The following HECA variants were observed in gnomAD, a reference collection of about 807,000 sequenced individuals.
The protein encoded by HECA is HECA ribonucleoprotein granule regulator, also known as headcase protein homolog.
A neutral mutation model predicts 37.6 loss-of-function variants in HECA; 13 were observed. That is an observed-to-expected ratio of 0.35 (90% CI 0.23 to 0.55). The LOEUF (loss-of-function observed/expected upper bound fraction) is 0.55. Among genes scored for constraint, HECA ranks in the 20% least tolerant of loss-of-function variants. HECA has a pLI of 0.90. For missense variants in HECA, 527 were observed against 701.9 expected, an observed-to-expected ratio of 0.75 and a Z score of 2.82; for synonymous variants, 307 against 291.5, an observed-to-expected ratio of 1.05 and a Z score of -0.54.
In HECA at chr6:139,176,365, T is replaced by G. The variant is rs1775052512; in HGVS notation, c.1468-576T>G. Among the ~76,000 whole-genome samples, 1 of 152,202 alleles carries G rather than the reference T, an allele frequency of 6.6e-6. No homozygotes were observed. Among genetic ancestry groups the G allele is most frequent in the Admixed American group, 6.5e-5 (1 of 15,272 alleles). On this transcript the variant is annotated intron_variant, in intron 3 of 3. Transcript: ENST00000367658. The surrounding 1 kb of genome is among the most constrained non-coding windows in gnomAD (Gnocchi z 4.5). Reference sequence around the variant, plus strand: ...TGAGTCTAAATTGAGTCTGTTTTATTTATAATTTGTGGTTATTCACTTAAG... The same window carrying G: ...TGAGTCTAAATTGAGTCTGTTTTATGTATAATTTGTGGTTATTCACTTAAG...
rs561511528 is a variant in HECA at position 139,176,266 on chromosome 6, A to G, written c.1468-675A>G. Among the ~76,000 whole-genome samples, 455 of 152,338 alleles carry G rather than the reference A, an allele frequency of 3.0e-3. 2 individuals are homozygous for G. Among genetic ancestry groups the G allele is most frequent in the Non-Finnish European group, 3.5e-3 (236 of 68,018 alleles). ...GCCTCAGTTGCATTATCTAAAAGTC[A>G]GCTAATACTACCTACCTCCCAGGAG... is the stretch of plus-strand genomic sequence containing the variant. On this transcript the variant is annotated intron_variant, in intron 3 of 3. Transcript: ENST00000367658. The surrounding 1 kb of genome is among the most constrained non-coding windows in gnomAD (Gnocchi z 4.5).
chr6:139,157,301 TATG>T (rs1774730942), intron 1 of HECA, among the ~76,000 whole-genome samples: 1 of 152,206 alleles, frequency 6.6e-6, no homozygotes, highest in Non-Finnish European at 1.5e-5. Flanking sequence ...GCAAGGTCTT[TATG>T]ATATGTGTTT....
At chr6:139,158,648 G>T (rs994166074) in intron 1 of HECA, among the ~76,000 whole-genome samples, 23 of 133,058 alleles carry the variant, frequency 1.7e-4, no homozygotes, top group Non-Finnish European at 2.9e-4. Flanking sequence ...TCCGGTGTGA[G>T]CAACAGAGCA....
intron 3 of HECA, 25 bp downstream of exon 3, chr6:139,174,564 G>A (rs771567213): frequency 6.2e-7 from 1 of 1,606,140 alleles, no homozygotes; most frequent in South Asian, 1.1e-5. Flanking sequence ...CACTGAGGGA[G>A]CAGTGGGTGA....
intron 1 of HECA, among the ~76,000 whole-genome samples, chr6:139,161,884 T>A (rs1045905018): frequency 1.3e-5 from 2 of 152,264 alleles, no homozygotes; most frequent in African/African-American, 4.8e-5. Context: ...TTTAAAGGCC[T>A]CTAAAGGTCA....
chr6:139,143,809 C>G (rs1418911734), intron 1 of HECA, among the ~76,000 whole-genome samples: 1 of 149,354 alleles, frequency 6.7e-6, no homozygotes, highest in Non-Finnish European at 1.5e-5. Flanking sequence ...TGCAGTGAGC[C>G]GAGATTGCGC....
At chr6:139,168,962 C>T (rs1419069011) in intron 2 of HECA, among the ~76,000 whole-genome samples, 2 of 152,130 alleles carry the variant, frequency 1.3e-5, no homozygotes, top group African/African-American at 4.8e-5. Flanking sequence ...CTGTCTTTGC[C>T]TCCATCTCCA....
rs1774898413 is a variant in HECA at position 139,167,003 on chromosome 6, GT to G, written c.993del (p.His332ThrfsTer30). On this transcript the variant is annotated frameshift_variant, in exon 2 of 4. Coordinates refer to ENST00000367658, the MANE Select transcript of HECA (RefSeq NM_016217.3). LOFTEE classifies it high-confidence loss of function. ...HFDYSPAGLAVHRGGHFDTPV... is the reference protein window; with the variant it reads ...HFDYSPAGLAXHRGGHFDTPV... ...TGATTACAGCCCTGCGGGGTTGGCAGTTCACAGGGGGGGACACTTCGACACC... is the reference window on the plus strand; with the variant it reads ...TGATTACAGCCCTGCGGGGTTGGCAGTCACAGGGGGGGACACTTCGACACC... 1.9e-6 allele frequency: 3 copies of G among 1,614,240 alleles called. No homozygotes were observed. The highest frequency in any genetic ancestry group is 2.5e-6 in the Non-Finnish European group (3 of 1,180,042).
intron 1 of HECA, among the ~76,000 whole-genome samples, chr6:139,140,439 T>G (rs1163847885): frequency 1.3e-5 from 2 of 152,234 alleles, no homozygotes; most frequent in Non-Finnish European, 2.9e-5. Context: ...GCATCAAAGA[T>G]TCTTCCTGTA....
chr6:139,135,600 C>A lies in HECA; in HGVS notation c.204C>A (p.Gly68=). The A allele has an allele frequency of 1.0e-6, 1 of 960,982 alleles. No homozygotes were observed. Among genetic ancestry groups the A allele is most frequent in the Non-Finnish European group, 1.2e-6 (1 of 813,424 alleles). The allele number at this position is 960,982 out of a possible 1,614,324, so 59.5% of individuals were successfully genotyped here. The part of the protein sequence containing the change: ...PGAGGAAGAG[G]AGTGAANAAA... ...CCGGAGGCGCGGCGGGCGCCGGAGG[C>A]GCGGGGACTGGCGCCGCGAACGCTG... Residue 68 remains glycine (G), a synonymous_variant, in exon 1 of 4, where the codon GGC becomes GGA. Coordinates refer to ENST00000367658, the MANE Select transcript of HECA (RefSeq NM_016217.3).
At chr6:139,165,351 CA>C (rs1774868407) in intron 1 of HECA, among the ~76,000 whole-genome samples, 1 of 152,156 alleles carries the variant, frequency 6.6e-6, no homozygotes, top group African/African-American at 2.4e-5. Flanking sequence ...CAGCCTCCCC[CA>C]CTGTGAATAC....
In HECA at chr6:139,143,776, G is replaced by A. The variant is rs553827065; in HGVS notation, c.271+8109G>A. ...CTCGGGAGGCTGAGGCAGGAGAATC[G>A]CTTGAACCCAGGAGATGGAGATTGC... On this transcript the variant is annotated intron_variant, in intron 1 of 3. Coordinates refer to ENST00000367658, the MANE Select transcript of HECA (RefSeq NM_016217.3). Among the ~76,000 whole-genome samples the A allele has an allele frequency of 5.6e-4, 85 of 151,666 alleles. No individual in the cohort carries two copies. In the South Asian group the frequency reaches 0.016, roughly 28 times the overall value.
intron 1 of HECA, among the ~76,000 whole-genome samples, chr6:139,149,640 G>T (rs368655194): frequency 5.0e-4 from 76 of 152,254 alleles, no homozygotes; most frequent in African/African-American, 1.7e-3. Flanking sequence ...GGAGCCTTTC[G>T]TTTCTCTGCA....
rs3777671 is a variant in HECA at position 139,176,543 on chromosome 6, A to G, written c.1468-398A>G. On this transcript the variant is annotated intron_variant, in intron 3 of 3. Coordinates refer to ENST00000367658, the MANE Select transcript of HECA (RefSeq NM_016217.3). The surrounding 1 kb of genome is among the most constrained non-coding windows in gnomAD (Gnocchi z 4.5). ...TTACTTGAGTATCTTGGGAAATTTT[A>G]TTTTTACATCAAAGAAAACGCAACT... Among the ~76,000 whole-genome samples the G allele has an allele frequency of 0.067, 10,256 of 152,172 alleles. 497 individuals are homozygous for G. Among genetic ancestry groups the G allele is most frequent in the African/African-American group, 0.14 (5,766 of 41,496 alleles).
rs1010256796 is a variant in HECA, at chr6:139,179,309, A to G, written c.*2204A>G. On this transcript the variant is annotated 3_prime_UTR_variant, in exon 4 of 4. Coordinates refer to ENST00000367658, the MANE Select transcript of HECA (RefSeq NM_016217.3). ...TGATCTTTAACCCACCTAAAATTTT[A>G]TAGTGAAACCTGCTTTATATTGTTG... is the stretch of plus-strand genomic sequence containing the variant. The G allele has an allele frequency of 2.0e-5, 3 of 152,232 alleles. No homozygotes were observed. The highest frequency in any genetic ancestry group is 7.2e-5 in the African/African-American group (3 of 41,458). 9.4% of individuals were successfully genotyped at this position (152,232 alleles called of 1,614,324 possible).
rs1483270158 is a variant in HECA at position 139,179,042 on chromosome 6, A to G, written c.*1937A>G. On this transcript the variant is annotated 3_prime_UTR_variant, in exon 4 of 4. Coordinates refer to ENST00000367658, the MANE Select transcript of HECA (RefSeq NM_016217.3). ...AAAACATTTCAGTGGGAAGAAATGC[A>G]TAAAATGCCTATAAGAAGTAGAAAG... The G allele has an allele frequency of 6.6e-6, 1 of 152,232 alleles. No homozygotes were observed. Among genetic ancestry groups the G allele is most frequent in the Non-Finnish European group, 1.5e-5 (1 of 68,038 alleles). 9.4% of individuals were successfully genotyped at this position (152,232 alleles called of 1,614,324 possible).
intron 1 of HECA, among the ~76,000 whole-genome samples, chr6:139,165,214 C>T (rs1486441324): frequency 6.6e-6 from 1 of 152,124 alleles, no homozygotes; most frequent in African/African-American, 2.4e-5. Context: ...CCCATGGAAC[C>T]AGGACTTATA....
At position 139,178,813 on chromosome 6, in the gene HECA, A is replaced by G. The variant is rs547665170; in HGVS notation, c.*1708A>G. ...ATGGTCTAGATCTCCTGACCTTGTG[A>G]TCTGCCTGCCTCGGCCTCCCAAAGT... is the stretch of plus-strand genomic sequence containing the variant. On this transcript the variant is annotated 3_prime_UTR_variant, in exon 4 of 4. Transcript: ENST00000367658. The G allele has an allele frequency of 6.6e-6, 1 of 152,252 alleles. No homozygotes were observed. Among genetic ancestry groups the G allele is most frequent in the East Asian group, 1.9e-4 (1 of 5,182 alleles). The allele number at this position is 152,252 out of a possible 1,614,324, so 9.4% of individuals were successfully genotyped here.
Position 139,167,153 on chromosome 6 carries a change from C to G in HECA, c.1141C>G (p.Arg381Gly), listed in dbSNP as rs1468282093. ...CCAAGTGGGCCAGGGGGAAGACTTGCGGAAGTTCATTCTGGCCGCGCTCAG... is the reference window on the plus strand; with the variant it reads ...CCAAGTGGGCCAGGGGGAAGACTTGGGGAAGTTCATTCTGGCCGCGCTCAG... ...DAQVGQGEDL[R>G]KFILAALSAS... The change falls in exon 2 of 4, where the codon CGG (arginine) becomes GGG (glycine). Residue 381 changes from arginine to glycine, a missense_variant. Transcript: ENST00000367658. The G allele has an allele frequency of 1.9e-6, 3 of 1,614,024 alleles. No individual in the cohort carries two copies. The highest frequency in any genetic ancestry group is 2.2e-5 in the East Asian group (1 of 44,870).
Sources: gnomAD v4.1 joint callset for allele counts (sites outside exome capture counted in the v4.1 genomes callset) on GRCh38, gnomAD v4.1.1 for gene constraint, Gnocchi (gnomAD v3.1) non-coding constraint, MANE v1.5 for transcripts, NCBI Gene and HGNC (gene_info 2026-07-23, HGNC 2026-07-21) for gene names.